LAMA3: variants seen among roughly 807,000 people sequenced by gnomAD.
LAMA3 encodes the protein laminin subunit alpha-3.
LAMA3 carries 281 observed loss-of-function variants against 402.0 expected under a neutral mutation model. The observed-to-expected ratio is 0.70, with a 90% confidence interval of 0.63 to 0.77. The LOEUF (loss-of-function observed/expected upper bound fraction) is 0.77, where lower values mean the gene tolerates loss of function less well. Ranked by LOEUF, LAMA3 falls within the 30% of genes least tolerant of loss-of-function variation. The pLI is 0.00. For missense variants in LAMA3, 3,840 were observed against 4,215.5 expected (o/e 0.91, Z 2.47); for synonymous variants, 1,431 against 1,558.4 (o/e 0.92, Z 1.93).
chr18:23,822,177 A>G lies in LAMA3; in HGVS notation c.2305-75A>G, dbSNP rs143324724. On this transcript the variant is annotated intron_variant, in intron 19 of 74. Coordinates refer to ENST00000313654, the MANE Select transcript of LAMA3 (RefSeq NM_198129.4). ...AAGTCCAGTAGTGACACTTGAATAG[A>G]ATAAAGTCACTGTTTGGCTAGCATG... The G allele has an allele frequency of 1.1e-4, 175 of 1,533,836 alleles. No individual in the cohort carries two copies. The East Asian group carries it at 3.3e-3, about 29-fold the overall frequency.
At chr18:23,883,460 G>A (rs1222548612) in intron 40 of LAMA3, among the ~76,000 whole-genome samples, 1 of 152,196 alleles carries the variant, frequency 6.6e-6, no homozygotes, top group East Asian at 1.9e-4. Flanking sequence ...AAGATACTGA[G>A]AACATCTCAC....
At chr18:23,944,088 G>C (rs1568374858) in intron 69 of LAMA3, 117 bp downstream of exon 69, 2 of 1,024,760 alleles carry the variant, frequency 2.0e-6, no homozygotes, top group Non-Finnish European at 3.0e-6. Flanking sequence ...GGGAGAGCTT[G>C]TGTGCTTGCA....
At chr18:23,704,177 GGGCGTGCATCTGAACCTCTGCC>G (rs1335547897) in intron 1 of LAMA3, among the ~76,000 whole-genome samples, 1 of 152,252 alleles carries the variant, frequency 6.6e-6, no homozygotes, top group Non-Finnish European at 1.5e-5. Context: ...CCTGCCACAA[GGGCGTGCATCTGAACCTCTGCC>G]AGACAGATTT....
At position 23,803,686 on chromosome 18, in the gene LAMA3, C is replaced by A. The variant is rs114712301; in HGVS notation, c.1604-6680C>A. Among the ~76,000 whole-genome samples, 593 of 152,340 alleles carry A rather than the reference C, an allele frequency of 3.9e-3. 3 individuals are homozygous for A. Among genetic ancestry groups the A allele is most frequent in the African/African-American group, 0.013 (561 of 41,590 alleles). On this transcript the variant is annotated intron_variant, in intron 12 of 74. Coordinates refer to ENST00000313654, the MANE Select transcript of LAMA3 (RefSeq NM_198129.4). The stretch of plus-strand genomic sequence containing the variant: ...CCTTCCAAGCAAAGTGAACAACCAG[C>A]ACACTGCTCAAAGTTCTCCCTACTG...
chr18:23,689,672 C>A lies in LAMA3; in HGVS notation c.-12C>A. The A allele has an allele frequency of 1.5e-6, 2 of 1,312,122 alleles. No homozygotes were observed. Among genetic ancestry groups the A allele is most frequent in the Non-Finnish European group, 1.9e-6 (2 of 1,036,986 alleles). The allele number at this position is 1,312,122 out of a possible 1,614,324, so 81.3% of individuals were successfully genotyped here. On this transcript the variant is annotated 5_prime_UTR_variant, in exon 1 of 75. Transcript: ENST00000313654. ...TGCGGACGGCTCAGGCGGGAGGACC[C>A]CGCGCGGCTGGATGGCGGCGGCCGC... is the stretch of plus-strand genomic sequence containing the variant.
Position 23,689,697 on chromosome 18 carries a change from C to T in LAMA3, c.14C>T (p.Ala5Val). ...CCGCGCGGCTGGATGGCGGCGGCCG[C>T]GCGGCCTCGGGGTCGGGCACTGGGG... MAAA[A>V]RPRGRALGPV... Residue 5 changes from alanine (A) to valine (V), a missense_variant, in exon 1 of 75, where the codon GCG becomes GTG. Physicochemically the swap from Ala to Val is moderately conservative, Grantham distance 64. Transcript: ENST00000313654. The T allele has an allele frequency of 1.5e-6, 2 of 1,321,442 alleles. No homozygotes were observed. Among genetic ancestry groups the T allele is most frequent in the Non-Finnish European group, 9.6e-7 (1 of 1,042,040 alleles). 81.9% of individuals were successfully genotyped at this position (1,321,442 alleles called of 1,614,324 possible).
intron 55 of LAMA3, among the ~76,000 whole-genome samples, chr18:23,911,679 T>C (rs1302535889): frequency 6.6e-6 from 1 of 151,440 alleles, no homozygotes; most frequent in South Asian, 2.1e-4. Flanking sequence ...TTTTCAGGAC[T>C]GAACACCTAT....
chr18:23,728,985 C>T (rs1394971669), intron 2 of LAMA3, among the ~76,000 whole-genome samples: 9 of 140,104 alleles, frequency 6.4e-5, no homozygotes, highest in Non-Finnish European at 1.1e-4. Flanking sequence ...GAGCGGAGAT[C>T]GTACCGCTGT....
At chr18:23,906,912 G>C (rs2081267483) in intron 52 of LAMA3, among the ~76,000 whole-genome samples, 1 of 152,164 alleles carries the variant, frequency 6.6e-6, no homozygotes, top group South Asian at 2.1e-4. Context: ...GCATTTGCTG[G>C]TCATTTTTGA....
Position 23,879,932 on chromosome 18 carries a change from A to G in LAMA3, c.5113-2004A>G, listed in dbSNP as rs113879401. Among the ~76,000 whole-genome samples the G allele has an allele frequency of 5.3e-5, 8 of 152,320 alleles. No individual in the cohort carries two copies. The highest frequency in any genetic ancestry group is 1.7e-4 in the African/African-American group (7 of 41,560). ...GCATCTGTACATTCTTGCTTCTCCAATGTGTTCAGTCTCAGAGCTAAGTAG... is the reference window on the plus strand; with the variant it reads ...GCATCTGTACATTCTTGCTTCTCCAGTGTGTTCAGTCTCAGAGCTAAGTAG... On this transcript the variant is annotated intron_variant, in intron 39 of 74. Transcript: ENST00000313654. This position sits in a 1 kb window ranked among gnomAD's most constrained non-coding sequence, Gnocchi z 4.2.
intron 12 of LAMA3, among the ~76,000 whole-genome samples, chr18:23,792,219 T>C (rs1392690138): frequency 1.3e-5 from 2 of 152,184 alleles, no homozygotes; most frequent in African/African-American, 2.4e-5. Context: ...GGTATTGCTA[T>C]AACAGAATAC....
rs1451672090 is a variant in LAMA3, at chr18:23,890,057, T to C, written c.5350T>C (p.Cys1784Arg). ...GAATCCCCAGAAATTCGGAGGTAGC[T>C]GCCAACCATGCAGTTGTAACAGCAA... is the stretch of plus-strand genomic sequence containing the variant. Reference protein sequence around the residue: ...FGNPQKFGGSCQPCSCNSNGQ... With the variant: ...FGNPQKFGGSRQPCSCNSNGQ... Residue 1784 changes from cysteine to arginine, a missense_variant, in exon 42 of 75, where the codon TGC becomes CGC. This residue lies in a region of LAMA3 where 2,109 missense variants were observed against 2,376.0 expected (regional missense o/e 0.89). Coordinates refer to ENST00000313654, the MANE Select transcript of LAMA3 (RefSeq NM_198129.4). 5 of 1,614,222 alleles carry C rather than the reference T, an allele frequency of 3.1e-6. No individual in the cohort carries two copies. The Admixed American group carries it at 8.3e-5, about 27-fold the overall frequency.
chr18:23,847,941 C>T (rs1303884562), intron 32 of LAMA3, among the ~76,000 whole-genome samples: 3 of 152,228 alleles, frequency 2.0e-5, no homozygotes, highest in Non-Finnish European at 4.4e-5. Flanking sequence ...CACTATGGGA[C>T]TGTGTTCTGT....
At chr18:23,887,264 G>C (rs2065102311) in intron 41 of LAMA3, among the ~76,000 whole-genome samples, 2 of 152,158 alleles carry the variant, frequency 1.3e-5, no homozygotes, top group African/African-American at 4.8e-5. Flanking sequence ...GCTAAGTTGA[G>C]CTGCAATTAG....
At position 23,790,094 on chromosome 18, in the gene LAMA3, G is replaced by A. The variant is rs535962140; in HGVS notation, c.1603+5937G>A. Among the ~76,000 whole-genome samples the A allele has an allele frequency of 2.0e-5, 3 of 152,274 alleles. No homozygotes were observed. The South Asian group carries it at 6.2e-4, about 32-fold the overall frequency. On this transcript the variant is annotated intron_variant, in intron 12 of 74. Coordinates refer to ENST00000313654, the MANE Select transcript of LAMA3 (RefSeq NM_198129.4). ...CGTAGGGAGTAGATAGTTGCAGGGTGGTGAGTAGCACCCACATTTCTTTAC... is the reference window on the plus strand; with the variant it reads ...CGTAGGGAGTAGATAGTTGCAGGGTAGTGAGTAGCACCCACATTTCTTTAC...
chr18:23,905,159 G>C (rs2081200133), intron 51 of LAMA3, among the ~76,000 whole-genome samples: 1 of 152,126 alleles, frequency 6.6e-6, no homozygotes, highest in African/African-American at 2.4e-5. Flanking sequence ...AGTTCAGGGG[G>C]ACAGGCCTTC....
chr18:23,857,015 CT>C (rs1280579873), intron 32 of LAMA3, among the ~76,000 whole-genome samples: 1 of 152,178 alleles, frequency 6.6e-6, no homozygotes, highest in Non-Finnish European at 1.5e-5. Context: ...TTCATGTTGC[CT>C]TGTTTGTAAC....
At chr18:23,727,578 G>A (rs2061321499) in intron 2 of LAMA3, among the ~76,000 whole-genome samples, 1 of 152,126 alleles carries the variant, frequency 6.6e-6, no homozygotes, top group African/African-American at 2.4e-5. Context: ...TGCCTGCCTC[G>A]GCCTCCCAAG....
At chr18:23,937,419 T>C (rs1315447498) in intron 67 of LAMA3, among the ~76,000 whole-genome samples, 4 of 133,414 alleles carry the variant, frequency 3.0e-5, no homozygotes, top group Admixed American at 7.6e-5. Flanking sequence ...TTTCAGGGCA[T>C]AGGCACTAGA....
Sources: allele counts gnomAD v4.1 joint callset (sites outside exome capture counted in the v4.1 genomes callset), GRCh38; gene constraint gnomAD v4.1.1; regional missense constraint gnomAD v4.1.1; non-coding constraint Gnocchi (gnomAD v3.1); transcripts MANE v1.5; gene names NCBI Gene and HGNC (gene_info 2026-07-23, HGNC 2026-07-21).